Variants in KCNQ1 observed in about 807,000 individuals in gnomAD.
The protein encoded by KCNQ1 is potassium voltage-gated channel subfamily KQT member 1.
In KCNQ1, 49 loss-of-function variants were observed where a neutral mutation model predicts 72.4. The observed-to-expected ratio is 0.68, with a 90% CI of 0.54 to 0.86. KCNQ1 has a LOEUF of 0.86. Ranked by LOEUF, KCNQ1 falls within the 40% of genes least tolerant of loss-of-function variation. The pLI, the probability that KCNQ1 is intolerant of heterozygous loss-of-function variation, is 0.00. For missense variants in KCNQ1, 790 were observed against 945.1 expected, an observed-to-expected ratio of 0.84 and a Z score of 2.15; for synonymous variants, 450 against 412.6, an observed-to-expected ratio of 1.09 and a Z score of -1.10.
intron 1 of KCNQ1, among the ~76,000 whole-genome samples, chr11:2,525,909 G>A (rs888452730): frequency 6.6e-5 from 10 of 152,346 alleles, no homozygotes; most frequent in Middle Eastern, 6.8e-3. Context: ...CCCACTCTTG[G>A]GGTGCTCATG....
At chr11:2,706,559 G>A (rs1850914713) in intron 11 of KCNQ1, among the ~76,000 whole-genome samples, 1 of 152,242 alleles carries the variant, frequency 6.6e-6, no homozygotes, top group African/African-American at 2.4e-5. Flanking sequence ...TAGGAATGAA[G>A]CTGTAGGGTG....
intron 11 of KCNQ1, chr11:2,675,027 G>C (rs1421469518): frequency 1.5e-5 from 6 of 398,636 alleles, no homozygotes; most frequent in East Asian, 1.4e-4. Flanking sequence ...TTCTCTGCCA[G>C]AGCCCAGGTG....
intron 2 of KCNQ1, among the ~76,000 whole-genome samples, chr11:2,529,119 T>C (rs1409932951): frequency 1.3e-5 from 2 of 152,198 alleles, no homozygotes; most frequent in African/African-American, 2.4e-5. Context: ...TTTTCCACAG[T>C]CCATCTGTCC....
rs183781688 is a variant in KCNQ1 at position 2,497,408 on chromosome 11, G to A, written c.387-30520G>A. ...TAATCTTGTCTGCATGCCTTATTTCGTTAAGTTGATCTTCAATCTCTGATA... is the reference window on the plus strand; with the variant it reads ...TAATCTTGTCTGCATGCCTTATTTCATTAAGTTGATCTTCAATCTCTGATA... On this transcript the variant is annotated intron_variant, in intron 1 of 15. Transcript: ENST00000155840. The surrounding 1 kb of genome is among the most constrained non-coding windows in gnomAD (Gnocchi z 4.5). 2.4e-3 allele frequency among the ~76,000 whole-genome samples: 368 copies of A among 151,910 alleles called. No individual in the cohort carries two copies. Among genetic ancestry groups the A allele is most frequent in the African/African-American group, 8.0e-3 (332 of 41,412 alleles).
At chr11:2,640,789 C>T (rs1299077366) in intron 10 of KCNQ1, 2 of 398,388 alleles carry the variant, frequency 5.0e-6, no homozygotes, top group Admixed American at 4.4e-5. Context: ...TTCTAACTAG[C>T]TGTGTATTTT....
At chr11:2,619,732 A>T (rs1849132924) in intron 10 of KCNQ1, 1 of 395,198 alleles carries the variant, frequency 2.5e-6, no homozygotes. Flanking sequence ...TTTTGGAAGT[A>T]TTCCCTATAG....
chr11:2,765,535 C>G (rs560944225), intron 11 of KCNQ1, among the ~76,000 whole-genome samples: 164 of 152,350 alleles, frequency 1.1e-3, no homozygotes, highest in Non-Finnish European at 2.0e-3. Flanking sequence ...TTGTCTCTGA[C>G]TTGACAAAGC....
Position 2,458,255 on chromosome 11 carries a change from T to C in KCNQ1, c.386+12771T>C, listed in dbSNP as rs1846224319. Among the ~76,000 whole-genome samples the C allele has an allele frequency of 6.6e-6, 1 of 152,126 alleles. No homozygotes were observed. Among genetic ancestry groups the C allele is most frequent in the South Asian group, 2.1e-4 (1 of 4,826 alleles). ...ATGAGCTGCATTGATGGGGTTCAGA[T>C]CCCAAGTTCATCCTGATACTGAGGG... On this transcript the variant is annotated intron_variant, in intron 1 of 15. Transcript: ENST00000155840. This position sits in a 1 kb window ranked among gnomAD's most constrained non-coding sequence, Gnocchi z 4.6.
Position 2,848,500 on chromosome 11 carries a change from G to A in KCNQ1, c.*497G>A, listed in dbSNP as rs1848389504. On this transcript the variant is annotated 3_prime_UTR_variant, in exon 16 of 16. Coordinates refer to ENST00000155840, the MANE Select transcript of KCNQ1 (RefSeq NM_000218.3). ...CAGGGCCGCCGGCAATAAAAGCCCA[G>A]GAGCCCATTTGGAGGGCCTGGGCCT... 1 of 455,790 alleles carries A rather than the reference G, an allele frequency of 2.2e-6. No homozygotes were observed. The highest frequency in any genetic ancestry group is 2.3e-5 in the Admixed American group (1 of 42,606). The allele number at this position is 455,790 out of a possible 1,614,324, so 28.2% of individuals were successfully genotyped here.
intron 15 of KCNQ1, among the ~76,000 whole-genome samples, chr11:2,799,404 TGTG>T (rs982832600): frequency 9.4e-5 from 13 of 138,198 alleles, no homozygotes; most frequent in Middle Eastern, 3.5e-3. Flanking sequence ...GTGTGTGTGG[TGTG>T]GTGTGTAGCA....
rs894842076 is a variant in KCNQ1, at chr11:2,565,189, G to A, written c.478-5439G>A. On this transcript the variant is annotated intron_variant, in intron 2 of 15. Coordinates refer to ENST00000155840, the MANE Select transcript of KCNQ1 (RefSeq NM_000218.3). The surrounding 1 kb of genome is among the most constrained non-coding windows in gnomAD (Gnocchi z 5.6). ...GCAGTTTTAGGTTCACAGCAAAATC[G>A]AGCGGCTGGTCATTTCACGCTTTAA... is the stretch of plus-strand genomic sequence containing the variant. 5.9e-5 allele frequency among the ~76,000 whole-genome samples: 9 copies of A among 152,224 alleles called. No homozygotes were observed. The highest frequency in any genetic ancestry group is 1.2e-4 in the African/African-American group (5 of 41,536).
chr11:2,698,840 C>CA lies in KCNQ1; in HGVS notation c.1514+36760dup. 2.5e-6 allele frequency: 1 copy of CA among 398,792 alleles called. No individual in the cohort carries two copies. Among genetic ancestry groups the CA allele is most frequent in the South Asian group, 1.3e-4 (1 of 7,852 alleles). 24.7% of individuals were successfully genotyped at this position (398,792 alleles called of 1,614,324 possible). ...CTAATGAGGCCCTACCTAAAACCAC[C>CA]ATGCGGACTCCAGACCCGGACTGAC... On this transcript the variant is annotated intron_variant, in intron 11 of 15. Coordinates refer to ENST00000155840, the MANE Select transcript of KCNQ1 (RefSeq NM_000218.3). The surrounding 1 kb of genome is among the most constrained non-coding windows in gnomAD (Gnocchi z 5.1).
At chr11:2,721,908 C>T (rs1239819300) in intron 11 of KCNQ1, among the ~76,000 whole-genome samples, 2 of 152,252 alleles carry the variant, frequency 1.3e-5, no homozygotes, top group Admixed American at 1.3e-4. Flanking sequence ...CCGTGGACTT[C>T]TCATTGGGAC....
chr11:2,676,547 A>C lies in KCNQ1; in HGVS notation c.1514+14466A>C. 2.5e-6 allele frequency: 1 copy of C among 398,660 alleles called. No individual in the cohort carries two copies. Among genetic ancestry groups the C allele is most frequent in the Non-Finnish European group, 4.4e-6 (1 of 226,074 alleles). The allele number at this position is 398,660 out of a possible 1,614,324, so 24.7% of individuals were successfully genotyped here. Reference sequence around the variant, plus strand: ...AGGCATAGAGGTAGTGGTACAGGAAAGGTCTAAGAAGGCTAAGGACCATCA... The same window carrying C: ...AGGCATAGAGGTAGTGGTACAGGAACGGTCTAAGAAGGCTAAGGACCATCA... On this transcript the variant is annotated intron_variant, in intron 11 of 15. Coordinates refer to ENST00000155840, the MANE Select transcript of KCNQ1 (RefSeq NM_000218.3). This position sits in a 1 kb window ranked among gnomAD's most constrained non-coding sequence, Gnocchi z 4.2.
chr11:2,671,900 C>T lies in KCNQ1; in HGVS notation c.1514+9819C>T. 2.5e-6 allele frequency: 1 copy of T among 398,724 alleles called. No individual in the cohort carries two copies. The highest frequency in any genetic ancestry group is 4.4e-6 in the Non-Finnish European group (1 of 226,118). 24.7% of individuals were successfully genotyped at this position (398,724 alleles called of 1,614,324 possible). A position where few individuals can be genotyped will look rare whatever the true frequency, so the allele number is the denominator to read the frequency against. ...GAGGTGGGCAGCACCAGGCAGCCAGCCTGTGGGCCCCGCTATGCTTCCTCA... is the reference window on the plus strand; with the variant it reads ...GAGGTGGGCAGCACCAGGCAGCCAGTCTGTGGGCCCCGCTATGCTTCCTCA... On this transcript the variant is annotated intron_variant, in intron 11 of 15. Transcript: ENST00000155840. This position sits in a 1 kb window ranked among gnomAD's most constrained non-coding sequence, Gnocchi z 4.7.
rs1431935921 is a variant in KCNQ1, at chr11:2,803,450, T to C, written c.1794+25413T>C. Among the ~76,000 whole-genome samples the C allele has an allele frequency of 6.6e-6, 1 of 152,140 alleles. No individual in the cohort carries two copies. Among genetic ancestry groups the C allele is most frequent in the African/African-American group, 2.4e-5 (1 of 41,438 alleles). ...CCTTCTGGGCTCTGGAGAATGCACC[T>C]GTGTTCCCAGGAGCTTTAGGGGTAC... is the stretch of plus-strand genomic sequence containing the variant. On this transcript the variant is annotated intron_variant, in intron 15 of 15. Transcript: ENST00000155840. The surrounding 1 kb of genome is among the most constrained non-coding windows in gnomAD (Gnocchi z 6.4).
intron 11 of KCNQ1, chr11:2,697,275 T>C (rs1850693296): frequency 2.5e-6 from 1 of 398,606 alleles, no homozygotes; most frequent in Non-Finnish European, 4.4e-6. Context: ...CTTTTAAGAA[T>C]ACAACAAGTC....
intron 11 of KCNQ1, among the ~76,000 whole-genome samples, chr11:2,757,835 G>A (rs1249739522): frequency 6.6e-6 from 1 of 152,214 alleles, no homozygotes; most frequent in African/African-American, 2.4e-5. Context: ...ACACGGTACA[G>A]GAGCAGTTGG....
At chr11:2,844,534 G>A (rs1008460957) in intron 15 of KCNQ1, among the ~76,000 whole-genome samples, 2 of 152,184 alleles carry the variant, frequency 1.3e-5, no homozygotes, top group Admixed American at 6.5e-5. Context: ...AGGCAAGCTC[G>A]GCCCTGTGGC....
Sources: gnomAD v4.1 joint callset for allele counts (sites outside exome capture counted in the v4.1 genomes callset) on GRCh38, gnomAD v4.1.1 for gene constraint, Gnocchi (gnomAD v3.1) non-coding constraint, MANE v1.5 for transcripts, NCBI Gene and HGNC (gene_info 2026-07-23, HGNC 2026-07-21) for gene names.